Variants in PLAGL1 observed in about 807,000 individuals in gnomAD.
PLAGL1 encodes the protein zinc finger protein PLAGL1.
PLAGL1 carries 1 observed loss-of-function variant against 4.6 expected under a neutral mutation model. The ratio of observed to expected loss-of-function variants is 0.22; its 90% CI spans 0.08 to 1.03. The LOEUF is 1.03. PLAGL1 is among the 50% of genes least tolerant of loss of function. PLAGL1 has a pLI of 0.58. For synonymous variants in PLAGL1, 240 were observed against 237.8 expected (o/e 1.01, Z -0.08); for missense variants, 464 against 570.4 (o/e 0.81, Z 1.90).
At chr6:143,981,975 T>G (rs889157994) in intron 2 of PLAGL1, among the ~76,000 whole-genome samples, 3 of 152,202 alleles carry the variant, frequency 2.0e-5, no homozygotes, top group Non-Finnish European at 4.4e-5. Context: ...CAGCATTTAT[T>G]GAGTGGTTGT....
Position 143,985,754 on chromosome 6 carries a change from A to G in PLAGL1, c.-583-580T>C, listed in dbSNP as rs1788873832. ...TTTTCTCATTGTTAGCATGGCATAG[A>G]TCACTCATTTCAAAAATCAAAACGC... On this transcript the variant is annotated intron_variant, in intron 1 of 7. Transcript: ENST00000674357. This position sits in a 1 kb window ranked among gnomAD's most constrained non-coding sequence, Gnocchi z 4.4. Among the ~76,000 whole-genome samples the G allele has an allele frequency of 6.6e-6, 1 of 151,708 alleles. No individual in the cohort carries two copies. The highest frequency in any genetic ancestry group is 1.5e-5 in the Non-Finnish European group (1 of 67,940).
intron 1 of PLAGL1, among the ~76,000 whole-genome samples, chr6:144,018,840 A>G (rs1436088549): frequency 6.6e-6 from 1 of 152,186 alleles, no homozygotes; most frequent in Non-Finnish European, 1.5e-5. Context: ...ATTAAATCTT[A>G]ATGATGGAAT....
rs996169469 is a variant in PLAGL1, at chr6:143,989,452, A to G, written c.-583-4278T>C. On this transcript the variant is annotated intron_variant, in intron 1 of 7. Coordinates refer to ENST00000674357, the MANE Select transcript of PLAGL1 (RefSeq NM_001317162.2). The surrounding 1 kb of genome is among the most constrained non-coding windows in gnomAD (Gnocchi z 4.8). ...TCCAATCCACTGAGGGCCCGAATAG[A>G]ACAAAAAGGTGGAAGGAGGAGGAAT... Among the ~76,000 whole-genome samples, 1 of 152,194 alleles carries G rather than the reference A, an allele frequency of 6.6e-6. No individual in the cohort carries two copies. Among genetic ancestry groups the G allele is most frequent in the Non-Finnish European group, 1.5e-5 (1 of 68,032 alleles).
chr6:143,996,317 T>G (rs983578510), intron 1 of PLAGL1, among the ~76,000 whole-genome samples: 1 of 152,224 alleles, frequency 6.6e-6, no homozygotes, highest in African/African-American at 2.4e-5. Flanking sequence ...CCAAGAAGGC[T>G]TCAATGAGAA....
chr6:143,958,008 C>G lies in PLAGL1; in HGVS notation c.-325+2461G>C, dbSNP rs1272569364. ...CATATTGCAGAGGCAGAGGGGAGAACAGAGAAGAGCTCGGAGTCATGAAGC... is the reference window on the plus strand; with the variant it reads ...CATATTGCAGAGGCAGAGGGGAGAAGAGAGAAGAGCTCGGAGTCATGAAGC... On this transcript the variant is annotated intron_variant, in intron 6 of 7. Coordinates refer to ENST00000674357, the MANE Select transcript of PLAGL1 (RefSeq NM_001317162.2). This position sits in a 1 kb window ranked among gnomAD's most constrained non-coding sequence, Gnocchi z 5.1. Among the ~76,000 whole-genome samples, 4 of 152,122 alleles carry G rather than the reference C, an allele frequency of 2.6e-5. No individual in the cohort carries two copies. The highest frequency in any genetic ancestry group is 4.4e-5 in the Non-Finnish European group (3 of 68,026).
chr6:143,976,524 T>C (rs932879116), intron 2 of PLAGL1, among the ~76,000 whole-genome samples: 1 of 152,146 alleles, frequency 6.6e-6, no homozygotes, highest in Non-Finnish European at 1.5e-5. Flanking sequence ...TTACTGCTTA[T>C]TCTTATATTG....
In PLAGL1 at chr6:143,958,457, A is replaced by G. The variant is rs1242988119; in HGVS notation, c.-325+2012T>C. Among the ~76,000 whole-genome samples the G allele has an allele frequency of 6.6e-6, 1 of 152,222 alleles. No individual in the cohort carries two copies. The highest frequency in any genetic ancestry group is 1.5e-5 in the Non-Finnish European group (1 of 68,042). On this transcript the variant is annotated intron_variant, in intron 6 of 7. Transcript: ENST00000674357. This position sits in a 1 kb window ranked among gnomAD's most constrained non-coding sequence, Gnocchi z 5.1. ...TAGTAAACTGTGTACATGCATGGTT[A>G]TGTGAGAAAAGTGAAGCTGCTGCAC...
At chr6:144,046,476 G>T (rs1410519589) in intron 1 of PLAGL1, among the ~76,000 whole-genome samples, 1 of 152,202 alleles carries the variant, frequency 6.6e-6, no homozygotes, top group Non-Finnish European at 1.5e-5. Context: ...TTTGCTGGAG[G>T]TCTACTCCAG....
Position 143,959,313 on chromosome 6 carries a change from A to G in PLAGL1, c.-325+1156T>C, listed in dbSNP as rs1267958728. ...GCCACACCCCACCTGTTCGCAGCCC[A>G]TGGACTCGCCACTGAATACTTCGGC... On this transcript the variant is annotated intron_variant, in intron 6 of 7. Transcript: ENST00000674357. This position sits in a 1 kb window ranked among gnomAD's most constrained non-coding sequence, Gnocchi z 5.3. Among the ~76,000 whole-genome samples, 1 of 152,086 alleles carries G rather than the reference A, an allele frequency of 6.6e-6. No homozygotes were observed. Among genetic ancestry groups the G allele is most frequent in the Admixed American group, 6.5e-5 (1 of 15,274 alleles).
chr6:144,004,560 C>G lies in PLAGL1; in HGVS notation c.-584+3530G>C, dbSNP rs530733394. 5.9e-5 allele frequency among the ~76,000 whole-genome samples: 9 copies of G among 152,094 alleles called. No homozygotes were observed. The highest frequency in any genetic ancestry group is 1.2e-4 in the Non-Finnish European group (8 of 67,998). On this transcript the variant is annotated intron_variant, in intron 1 of 7. Coordinates refer to ENST00000674357, the MANE Select transcript of PLAGL1 (RefSeq NM_001317162.2). The surrounding 1 kb of genome is among the most constrained non-coding windows in gnomAD (Gnocchi z 4.2). ...GAAAATAATACATGGTCATAGAAAT[C>G]GGGACAGTAGTTGACTGGGGGAAGC... is the stretch of plus-strand genomic sequence containing the variant.
intron 1 of PLAGL1, among the ~76,000 whole-genome samples, chr6:144,001,777 C>T (rs938428422): frequency 6.6e-6 from 1 of 152,180 alleles, no homozygotes; most frequent in Non-Finnish European, 1.5e-5. Context: ...AAGGGCACAA[C>T]AGCTCTGCGA....
chr6:144,048,265 A>G lies in PLAGL1; in HGVS notation c.-151+16203T>C, dbSNP rs1426250435. On this transcript the variant is annotated intron_variant, in intron 1 of 3. Transcript: ENST00000437412. The surrounding 1 kb of genome is among the most constrained non-coding windows in gnomAD (Gnocchi z 4.8). Reference sequence around the variant, plus strand: ...GGTGGCTTTTCCAGGTGCACAGTGCAAGCTGTCAGTGGATCTAGCATTCTG... The same window carrying G: ...GGTGGCTTTTCCAGGTGCACAGTGCGAGCTGTCAGTGGATCTAGCATTCTG... Among the ~76,000 whole-genome samples the G allele has an allele frequency of 6.6e-6, 1 of 152,156 alleles. No homozygotes were observed. The highest frequency in any genetic ancestry group is 1.5e-5 in the Non-Finnish European group (1 of 68,016).
Position 143,955,775 on chromosome 6 carries a change from GATA to G in PLAGL1, c.-325+4691_-325+4693del, listed in dbSNP as rs1368914181. Among the ~76,000 whole-genome samples, 1 of 152,118 alleles carries G rather than the reference GATA, an allele frequency of 6.6e-6. No individual in the cohort carries two copies. The highest frequency in any genetic ancestry group is 1.5e-5 in the Non-Finnish European group (1 of 68,020). On this transcript the variant is annotated intron_variant, in intron 6 of 7. Coordinates refer to ENST00000674357, the MANE Select transcript of PLAGL1 (RefSeq NM_001317162.2). The surrounding 1 kb of genome is among the most constrained non-coding windows in gnomAD (Gnocchi z 4.9). ...AGACATGCTGGAGGGTGGTGGGCTGGATAATGAGATCATTTAGGCTTCTGCCAG... is the reference window on the plus strand; with the variant it reads ...AGACATGCTGGAGGGTGGTGGGCTGGATGAGATCATTTAGGCTTCTGCCAG...
rs1034067335 is a variant in PLAGL1, at chr6:144,050,672, T to G, written c.-151+13796A>C. Among the ~76,000 whole-genome samples, 15 of 152,194 alleles carry G rather than the reference T, an allele frequency of 9.9e-5. No homozygotes were observed. The highest frequency in any genetic ancestry group is 1.8e-4 in the Non-Finnish European group (12 of 68,030). ...TGGGAGGCCAAGGCAGGAGGATCAC[T>G]TGAGGCCAGGAGTTTGAGACCAACC... is the stretch of plus-strand genomic sequence containing the variant. On this transcript the variant is annotated intron_variant, in intron 1 of 3. Transcript: ENST00000437412. The surrounding 1 kb of genome is among the most constrained non-coding windows in gnomAD (Gnocchi z 4.3).
chr6:143,990,650 A>G lies in PLAGL1; in HGVS notation c.-583-5476T>C, dbSNP rs1042661807. Among the ~76,000 whole-genome samples, 11 of 152,350 alleles carry G rather than the reference A, an allele frequency of 7.2e-5. No individual in the cohort carries two copies. Among genetic ancestry groups the G allele is most frequent in the Non-Finnish European group, 1.5e-4 (10 of 68,044 alleles). ...TCTTATTATCCTCATTTTAAAAACC[A>G]GGACACTGAGGCTCAAGAGAGATTA... On this transcript the variant is annotated intron_variant, in intron 1 of 7. Coordinates refer to ENST00000674357, the MANE Select transcript of PLAGL1 (RefSeq NM_001317162.2). The surrounding 1 kb of genome is among the most constrained non-coding windows in gnomAD (Gnocchi z 5.4).
At chr6:144,001,027 A>C (rs1792742360) in intron 1 of PLAGL1, among the ~76,000 whole-genome samples, 1 of 152,104 alleles carries the variant, frequency 6.6e-6, no homozygotes, top group African/African-American at 2.4e-5. Context: ...AAGCAAGGAC[A>C]CCTAGCACAC....
intron 7 of PLAGL1, among the ~76,000 whole-genome samples, chr6:143,946,898 C>T (rs893260588): frequency 6.6e-6 from 1 of 152,362 alleles, no homozygotes; most frequent in African/African-American, 2.4e-5. Context: ...TGCACAGACA[C>T]AACACACACC....
In PLAGL1 at chr6:144,056,839, T is replaced by TG. The variant is rs1488325721; in HGVS notation, c.-151+7628_-151+7629insC. On this transcript the variant is annotated intron_variant, in intron 1 of 3. Coordinates refer to the PLAGL1 transcript ENST00000437412. This position sits in a 1 kb window ranked among gnomAD's most constrained non-coding sequence, Gnocchi z 4.7. ...GCCACCATGCTAAGCTAATTTTTTT[T>TG]AATTTTATTTATGCTGCCCAGGTGT... 6.6e-6 allele frequency among the ~76,000 whole-genome samples: 1 copy of TG among 152,094 alleles called. No homozygotes were observed. Among genetic ancestry groups the TG allele is most frequent in the Non-Finnish European group, 1.5e-5 (1 of 67,994 alleles).
In PLAGL1 at chr6:144,027,230, C is replaced by CGAATGAAA. The variant is rs761735778; in HGVS notation, c.-151+37237_-151+37238insTTTCATTC. ...CAGAGAAAGACCCCAACTCAAAGAA[C>CGAATGAAA]GAACGAAAGAAAGAAAGAAAGAAAG... On this transcript the variant is annotated intron_variant, in intron 1 of 3. Transcript: ENST00000437412. The surrounding 1 kb of genome is among the most constrained non-coding windows in gnomAD (Gnocchi z 5.8). Among the ~76,000 whole-genome samples the CGAATGAAA allele has an allele frequency of 1.0e-5, 1 of 99,106 alleles. No individual in the cohort carries two copies. The highest frequency in any genetic ancestry group is 2.0e-5 in the Non-Finnish European group (1 of 49,528). 65.0% of individuals were successfully genotyped at this position (99,106 alleles called of 152,430 possible). A position where few individuals can be genotyped will look rare whatever the true frequency, so the allele number is the denominator to read the frequency against.
Sources: gnomAD v4.1 joint callset for allele counts (sites outside exome capture counted in the v4.1 genomes callset) on GRCh38, gnomAD v4.1.1 for gene constraint, Gnocchi (gnomAD v3.1) non-coding constraint, MANE v1.5 for transcripts, NCBI Gene and HGNC (gene_info 2026-07-23, HGNC 2026-07-21) for gene names.